GPR160: variants seen among roughly 807,000 people sequenced by gnomAD.
GPR160 encodes the protein probable G protein-coupled receptor 160.
A neutral mutation model predicts 2.6 loss-of-function variants in GPR160; 2 were observed. The ratio of observed to expected loss-of-function variants is 0.77; its 90% CI spans 0.32 to 2.44. The LOEUF is 2.44. Ranked by LOEUF, GPR160 falls within the 30% of genes most tolerant of loss-of-function variation. The pLI is 0.11. For synonymous variants in GPR160, 130 were observed against 132.2 expected, an observed-to-expected ratio of 0.98 and a Z score of 0.12; for missense variants, 351 against 383.6, an observed-to-expected ratio of 0.91 and a Z score of 0.71.
chr3:170,070,561 A>G (rs991434964), intron 2 of GPR160, among the ~76,000 whole-genome samples: 1 of 152,206 alleles, frequency 6.6e-6, no homozygotes, highest in African/African-American at 2.4e-5. Flanking sequence ...AAAAAAGTAA[A>G]CATCACCTCA....
intron 2 of GPR160, among the ~76,000 whole-genome samples, chr3:170,056,822 A>G (rs953179541): frequency 6.6e-6 from 1 of 152,216 alleles, no homozygotes; most frequent in Non-Finnish European, 1.5e-5. Context: ...GAAAAAGCCT[A>G]TGGGCCATGG....
rs1056271891 is a variant in GPR160 at position 170,038,404 on chromosome 3, G to A, written c.-322+189G>A. 6.6e-6 allele frequency: 1 copy of A among 152,304 alleles called. No homozygotes were observed. The highest frequency in any genetic ancestry group is 2.4e-5 in the African/African-American group (1 of 41,434). 9.4% of individuals were successfully genotyped at this position (152,304 alleles called of 1,614,324 possible). On this transcript the variant is annotated intron_variant, in intron 1 of 3. Transcript: ENST00000355897. This position sits in a 1 kb window ranked among gnomAD's most constrained non-coding sequence, Gnocchi z 5.3. ...TCTCTGCTACTTAAGAGATCCAGGA[G>A]TGGAGCCCGGACGCCCGAGCCTTCC... is the stretch of plus-strand genomic sequence containing the variant.
Position 170,084,019 on chromosome 3 carries a change from G to A in GPR160, c.47G>A (p.Arg16His), listed in dbSNP as rs573747285. The A allele has an allele frequency of 8.4e-6, 13 of 1,556,860 alleles. No homozygotes were observed. In the African/African-American group the frequency reaches 1.1e-4, roughly 13 times the overall value. ...AACTGCTCTTTTCAGTACCAGTTAC[G>A]TCAAACAAACCAGCCCCTAGATGTT... ...SENCSFQYQL[R>H]QTNQPLDVNY... Residue 16 changes from arginine (R) to histidine (H), a missense_variant, in exon 4 of 4, where the codon CGT (arginine) becomes CAT (histidine). Coordinates refer to ENST00000355897, the MANE Select transcript of GPR160 (RefSeq NM_014373.3).
rs1712556862 is a variant in GPR160 at position 170,070,897 on chromosome 3, AT to A, written c.-192-8876del. ...GCTGTGAGATGAATATTCTTTAAAA[AT>A]AAGTTAAAACACTCATTTTTAGTGT... On this transcript the variant is annotated intron_variant, in intron 2 of 3. Transcript: ENST00000355897. 2.6e-5 allele frequency among the ~76,000 whole-genome samples: 4 copies of A among 152,214 alleles called. No homozygotes were observed. The South Asian group carries it at 6.2e-4, about 24-fold the overall frequency.
chr3:170,083,661 T>TA lies in GPR160; in HGVS notation c.-68-242dup, dbSNP rs200433356. On this transcript the variant is annotated intron_variant, in intron 3 of 3. Transcript: ENST00000355897. ...ACCTGTACTTATATATAGAAGTTAG[T>TA]AATTTATATATAACATTTTGGTTTA... The TA allele has an allele frequency of 9.9e-3, 1,942 of 196,990 alleles. 42 individuals carry two copies. Among genetic ancestry groups the TA allele is most frequent in the African/African-American group, 0.042 (1,827 of 43,390 alleles). The allele number at this position is 196,990 out of a possible 1,614,324, so 12.2% of individuals were successfully genotyped here. A position where few individuals can be genotyped will look rare whatever the true frequency, so the allele number is the denominator to read the frequency against.
chr3:170,041,136 AT>A (rs1469982535), intron 2 of GPR160, among the ~76,000 whole-genome samples: 7 of 152,146 alleles, frequency 4.6e-5, no homozygotes, highest in Admixed American at 2.0e-4. Flanking sequence ...GTAAATCCAC[AT>A]TTTTTAGTCG....
At chr3:170,045,447 AC>A (rs780479694) in intron 2 of GPR160, among the ~76,000 whole-genome samples, 1 of 117,428 alleles carries the variant, frequency 8.5e-6, no homozygotes, top group African/African-American at 3.4e-5. Context: ...AAAAAAAAAA[AC>A]CAATTAGCCA....
intron 2 of GPR160, among the ~76,000 whole-genome samples, chr3:170,076,515 C>T (rs968803513): frequency 6.6e-5 from 10 of 151,950 alleles, no homozygotes; most frequent in Non-Finnish European, 1.0e-4. Context: ...GTCACTGTTA[C>T]TTGAATGTCG....
chr3:170,047,993 A>G (rs140587176), intron 2 of GPR160, among the ~76,000 whole-genome samples: 53 of 152,186 alleles, frequency 3.5e-4, no homozygotes, highest in African/African-American at 1.2e-3. Context: ...ATCAGCCATC[A>G]TGTCCAGGTA....
At chr3:170,058,184 G>T (rs1559985310) in intron 2 of GPR160, among the ~76,000 whole-genome samples, 3 of 152,166 alleles carry the variant, frequency 2.0e-5, no homozygotes, top group Admixed American at 2.0e-4. Flanking sequence ...GACCAAAAAT[G>T]CAATGGATCA....
chr3:170,080,787 A>T (rs749842302), intron 3 of GPR160, among the ~76,000 whole-genome samples: 3 of 152,052 alleles, frequency 2.0e-5, no homozygotes, highest in Non-Finnish European at 4.4e-5. Flanking sequence ...CACAGCCTTG[A>T]CCTCCTGGGC....
chr3:170,063,552 CAAA>C (rs528295183), intron 2 of GPR160, among the ~76,000 whole-genome samples: 1,164 of 78,930 alleles, frequency 0.015, 23 homozygotes, highest in African/African-American at 0.057. Context: ...ACAAAAAAAG[CAAA>C]AAAAAAAAAA....
At chr3:170,051,301 C>A (rs922616142) in intron 2 of GPR160, among the ~76,000 whole-genome samples, 7 of 152,102 alleles carry the variant, frequency 4.6e-5, no homozygotes, top group South Asian at 2.1e-4. Context: ...CAATATAGAT[C>A]TATATCATCT....
chr3:170,064,984 T>C (rs1559988199), intron 2 of GPR160, among the ~76,000 whole-genome samples: 1 of 152,102 alleles, frequency 6.6e-6, no homozygotes, highest in Admixed American at 6.5e-5. Flanking sequence ...TAAGAAAGTC[T>C]CTTCCCCCAG....
intron 2 of GPR160, among the ~76,000 whole-genome samples, chr3:170,076,103 T>G (rs1712835983): frequency 6.6e-6 from 1 of 152,138 alleles, no homozygotes; most frequent in African/African-American, 2.4e-5. Flanking sequence ...AATAACTGGT[T>G]ATAGTGGTTG....
intron 2 of GPR160, among the ~76,000 whole-genome samples, chr3:170,076,305 T>C (rs1576912812): frequency 6.6e-6 from 1 of 152,250 alleles, no homozygotes; most frequent in East Asian, 1.9e-4. Flanking sequence ...TGAATATAAC[T>C]GTACTGTGCA....
intron 2 of GPR160, among the ~76,000 whole-genome samples, chr3:170,076,500 G>A (rs1712855879): frequency 6.6e-6 from 1 of 151,926 alleles, no homozygotes; most frequent in African/African-American, 2.4e-5. Flanking sequence ...TCAGTAATCA[G>A]TACAGTCACT....
intron 2 of GPR160, among the ~76,000 whole-genome samples, chr3:170,054,524 A>T (rs1553767438): frequency 6.6e-6 from 1 of 152,168 alleles, no homozygotes; most frequent in Non-Finnish European, 1.5e-5. Flanking sequence ...GGCACTAAGT[A>T]CATTCACATT....
At chr3:170,047,216 T>A (rs1377740705) in intron 2 of GPR160, among the ~76,000 whole-genome samples, 1 of 152,134 alleles carries the variant, frequency 6.6e-6, no homozygotes, top group Non-Finnish European at 1.5e-5. Flanking sequence ...CAGCCAGGTG[T>A]TTCAGTGTGT....
Sources: allele counts gnomAD v4.1 joint callset (sites outside exome capture counted in the v4.1 genomes callset), GRCh38; gene constraint gnomAD v4.1.1; non-coding constraint Gnocchi (gnomAD v3.1); transcripts MANE v1.5; gene names NCBI Gene and HGNC (gene_info 2026-07-23, HGNC 2026-07-21).